The following TTC39B variants were observed in gnomAD, a reference collection of about 807,000 sequenced individuals.
TTC39B encodes the protein tetratricopeptide repeat domain 39B.
A neutral mutation model predicts 96.6 loss-of-function variants in TTC39B; 92 were observed. The ratio of observed to expected loss-of-function variants is 0.95; its 90% CI spans 0.80 to 1.13. TTC39B has a LOEUF of 1.13. TTC39B is among the 50% of genes most tolerant of loss of function. The pLI, the probability that TTC39B is intolerant of heterozygous loss-of-function variation, is 0.00. For synonymous variants in TTC39B, 367 were observed against 299.4 expected (o/e 1.23, Z -2.33); for missense variants, 955 against 809.3 (o/e 1.18, Z -2.18).
At chr9:15,177,363 T>C (rs929759076) in intron 18 of TTC39B, among the ~76,000 whole-genome samples, 4 of 151,802 alleles carry the variant, frequency 2.6e-5, no homozygotes, top group Non-Finnish European at 4.4e-5. Flanking sequence ...AAAGAAAAAC[T>C]AAAGAAATAT....
intron 1 of TTC39B, among the ~76,000 whole-genome samples, chr9:15,272,905 C>T (rs1213715176): frequency 1.3e-5 from 2 of 152,152 alleles, no homozygotes; most frequent in Non-Finnish European, 1.5e-5. Context: ...AGATATAAGG[C>T]CAGCACCCAG....
At chr9:15,233,920 TTCCCCGCCGCCA>T (rs1564373388) in intron 2 of TTC39B, among the ~76,000 whole-genome samples, 1 of 151,518 alleles carries the variant, frequency 6.6e-6, no homozygotes, top group African/African-American at 2.4e-5. Flanking sequence ...GGAGCGCCTC[TTCCCCGCCGCCA>T]TCCCATCTAG....
At chr9:15,271,562 T>C (rs1823354114) in intron 1 of TTC39B, among the ~76,000 whole-genome samples, 1 of 152,158 alleles carries the variant, frequency 6.6e-6, no homozygotes, top group African/African-American at 2.4e-5. Context: ...GGGTTAGCTC[T>C]CCTGAGACTC....
At position 15,260,190 on chromosome 9, in the gene TTC39B, A is replaced by G. The variant is rs77353390; in HGVS notation, c.275+7724T>C. Among the ~76,000 whole-genome samples the G allele has an allele frequency of 5.2e-3, 795 of 152,020 alleles. 5 individuals are homozygous for G. The highest frequency in any genetic ancestry group is 0.018 in the African/African-American group (735 of 41,496). Reference sequence around the variant, plus strand: ...CCCTACCTAATACCAAGATTGAAATATACACATTTCCTTACTGTGCCTTCC... The same window carrying G: ...CCCTACCTAATACCAAGATTGAAATGTACACATTTCCTTACTGTGCCTTCC... On this transcript the variant is annotated intron_variant, in intron 2 of 19. Coordinates refer to ENST00000512701, the Ensembl canonical transcript of TTC39B.
chr9:15,199,962 C>A, intron 7 of TTC39B, 37 bp from the exon 8 acceptor site: 1 of 1,300,298 alleles, frequency 7.7e-7, no homozygotes, highest in Admixed American at 2.2e-5. Context: ...GATTATTTAG[C>A]AAAAAATTTT....
chr9:15,246,529 T>C (rs977958269), intron 2 of TTC39B, among the ~76,000 whole-genome samples: 1 of 152,178 alleles, frequency 6.6e-6, no homozygotes, highest in Non-Finnish European at 1.5e-5. Context: ...GTGAGGTCTA[T>C]GGCCCCACTT....
At position 15,285,262 on chromosome 9, in the gene TTC39B, C is replaced by A. The variant is rs1370512037; in HGVS notation, c.241-17314G>T. 4.7e-5 allele frequency among the ~76,000 whole-genome samples: 7 copies of A among 147,806 alleles called. No homozygotes were observed. In the Admixed American group the frequency reaches 4.8e-4, roughly 10 times the overall value. ...CCAGCCTGGGCGACAGAGCAAGACTCCGTCTCAAAAAGAAAAAAAAAAAAA... is the reference window on the plus strand; with the variant it reads ...CCAGCCTGGGCGACAGAGCAAGACTACGTCTCAAAAAGAAAAAAAAAAAAA... On this transcript the variant is annotated intron_variant, in intron 1 of 19. Coordinates refer to ENST00000512701, the Ensembl canonical transcript of TTC39B.
intron 2 of TTC39B, among the ~76,000 whole-genome samples, chr9:15,255,147 A>G (rs1822706851): frequency 6.6e-6 from 1 of 152,154 alleles, no homozygotes; most frequent in Admixed American, 6.5e-5. Context: ...AATAAATAAC[A>G]TAGAAATTAC....
chr9:15,290,786 C>G (rs1261546381), intron 1 of TTC39B, among the ~76,000 whole-genome samples: 1 of 152,150 alleles, frequency 6.6e-6, no homozygotes, highest in East Asian at 1.9e-4. Flanking sequence ...CTGCTTTCCC[C>G]TTCTGCCACT....
intron 2 of TTC39B, among the ~76,000 whole-genome samples, chr9:15,260,656 C>G (rs1337145461): frequency 1.3e-5 from 2 of 152,142 alleles, no homozygotes; most frequent in Admixed American, 6.6e-5. Context: ...CCTTACTTCA[C>G]TCTCATCTAC....
intron 7 of TTC39B, among the ~76,000 whole-genome samples, chr9:15,202,240 T>A (rs368780618): frequency 1.2e-4 from 18 of 152,298 alleles, no homozygotes; most frequent in African/African-American, 4.3e-4. Flanking sequence ...AACTTGGGCC[T>A]CCATGACTAT....
chr9:15,265,495 T>C (rs545102865), intron 2 of TTC39B, among the ~76,000 whole-genome samples: 3 of 152,350 alleles, frequency 2.0e-5, no homozygotes, highest in Admixed American at 1.3e-4. Context: ...GATCACCTAC[T>C]ATAGCCCAAG....
intron 2 of TTC39B, among the ~76,000 whole-genome samples, chr9:15,266,191 T>C (rs868217289): frequency 6.6e-6 from 1 of 152,116 alleles, no homozygotes. Context: ...TCCTCAATAA[T>C]TCTGTAAGTC....
rs556112289 is a variant in TTC39B, at chr9:15,306,734, C to T, written c.240+350G>A. 3.0e-4 allele frequency among the ~76,000 whole-genome samples: 45 copies of T among 152,198 alleles called. No individual in the cohort carries two copies. The highest frequency in any genetic ancestry group is 6.2e-4 in the Non-Finnish European group (42 of 68,028). ...CTTCAGGGTCAGACTTCGTAAAGCC[C>T]AGGCGTCGCTGGGCCGGCCCGGAAC... is the stretch of plus-strand genomic sequence containing the variant. On this transcript the variant is annotated intron_variant, in intron 1 of 19. Transcript: ENST00000512701. This position sits in a 1 kb window ranked among gnomAD's most constrained non-coding sequence, Gnocchi z 5.1.
intron 3 of TTC39B, among the ~76,000 whole-genome samples, chr9:15,221,538 G>A (rs904188201): frequency 2.6e-5 from 4 of 151,972 alleles, no homozygotes; most frequent in African/African-American, 4.8e-5. Context: ...CCCTGCCCTG[G>A]TGCTGGAATG....
chr9:15,240,800 T>G (rs1822003849), intron 2 of TTC39B, among the ~76,000 whole-genome samples: 2 of 152,196 alleles, frequency 1.3e-5, no homozygotes, highest in South Asian at 4.1e-4. Flanking sequence ...CTTCCAACCT[T>G]TCACTACTTT....
At chr9:15,235,057 A>T (rs1055746394) in intron 2 of TTC39B, among the ~76,000 whole-genome samples, 1 of 151,974 alleles carries the variant, frequency 6.6e-6, no homozygotes, top group African/African-American at 2.4e-5. Flanking sequence ...CAAAAACAAA[A>T]CAAAACAAAA....
exon 20 of TTC39B, chr9:15,170,314 C>T (rs986890842): frequency 2.0e-5 from 3 of 152,164 alleles, no homozygotes; most frequent in African/African-American, 7.2e-5. Flanking sequence ...GTTCATATAA[C>T]CTGGGTAGCC....
intron 2 of TTC39B, among the ~76,000 whole-genome samples, chr9:15,236,435 G>C (rs538682023): frequency 6.6e-6 from 1 of 152,160 alleles, no homozygotes; most frequent in East Asian, 1.9e-4. Context: ...AATCAACAAA[G>C]AAACTTGGGA....
Sources: allele counts gnomAD v4.1 joint callset (sites outside exome capture counted in the v4.1 genomes callset), GRCh38; gene constraint gnomAD v4.1.1; non-coding constraint Gnocchi (gnomAD v3.1); transcripts MANE v1.5; gene names NCBI Gene and HGNC (gene_info 2026-07-23, HGNC 2026-07-21).